NCOA1: variants seen among roughly 807,000 people sequenced by gnomAD.
NCOA1 encodes the protein Hin-2 protein.
A neutral mutation model predicts 150.9 loss-of-function variants in NCOA1; 35 were observed. The ratio of observed to expected loss-of-function variants is 0.23; its 90% CI spans 0.18 to 0.31. NCOA1 has a LOEUF of 0.31. Among genes scored for constraint, NCOA1 ranks in the 10% least tolerant of loss-of-function variants. The probability of loss-of-function intolerance (pLI) is 1.00; values close to 1 mark genes in which losing one functional copy is unlikely to be tolerated. For missense variants in NCOA1, 1,491 were observed against 1,749.3 expected (o/e 0.85, Z 2.63); for synonymous variants, 590 against 630.0 (o/e 0.94, Z 0.95).
At chr2:24,703,233 G>A (rs1166098119) in intron 11 of NCOA1, among the ~76,000 whole-genome samples, 65 of 152,140 alleles carry the variant, frequency 4.3e-4, no homozygotes, top group Non-Finnish European at 1.5e-5. Flanking sequence ...GCCTGAATCT[G>A]ACTCCTAGGC....
At chr2:24,708,036 T>A (rs1673544848) in intron 13 of NCOA1, 148 bp downstream of exon 13, 1 of 1,013,128 alleles carries the variant, frequency 9.9e-7, no homozygotes, top group African/African-American at 1.7e-5. Flanking sequence ...CAATAACTGA[T>A]CACAGGATGC....
chr2:24,534,701 T>C (rs748764728), intron 1 of NCOA1, among the ~76,000 whole-genome samples: 5 of 152,216 alleles, frequency 3.3e-5, no homozygotes, highest in Non-Finnish European at 5.9e-5. Flanking sequence ...TTCATTTCGT[T>C]ATTTACCCAG....
At chr2:24,511,152 T>A (rs1430126954) in intron 1 of NCOA1, among the ~76,000 whole-genome samples, 1 of 152,238 alleles carries the variant, frequency 6.6e-6, no homozygotes, top group Non-Finnish European at 1.5e-5. Context: ...TTGAGGTTCA[T>A]CCATGTTGTA....
intron 3 of NCOA1, among the ~76,000 whole-genome samples, chr2:24,589,915 T>TG (rs1667581872): frequency 6.6e-6 from 1 of 152,298 alleles, no homozygotes; most frequent in South Asian, 2.1e-4. Context: ...ATCAGGAGTT[T>TG]GGGGCTATAA....
intron 1 of NCOA1, among the ~76,000 whole-genome samples, chr2:24,493,172 T>C (rs1663054614): frequency 6.6e-6 from 1 of 152,218 alleles, no homozygotes; most frequent in South Asian, 2.1e-4. Flanking sequence ...AAATAGGCAT[T>C]CCTTGAACTA....
chr2:24,538,903 G>A (rs1012071884), intron 1 of NCOA1, among the ~76,000 whole-genome samples: 7 of 152,200 alleles, frequency 4.6e-5, no homozygotes, highest in South Asian at 2.1e-4. Flanking sequence ...ACATGACAGC[G>A]TAGTGATACA....
chr2:24,640,205 G>A, intron 3 of NCOA1, among the ~76,000 whole-genome samples: 1 of 151,738 alleles, frequency 6.6e-6, no homozygotes, highest in East Asian at 1.9e-4. Context: ...TCAATCTTTA[G>A]AAACGTGTTA....
chr2:24,691,455 G>A, intron 8 of NCOA1, 26 bp from the exon 9 acceptor site: 1 of 1,606,658 alleles, frequency 6.2e-7, no homozygotes, highest in Non-Finnish European at 8.5e-7. Context: ...ATATTCGCAA[G>A]CACATAATCA....
At chr2:24,641,377 G>C (rs1365805501) in intron 3 of NCOA1, among the ~76,000 whole-genome samples, 1 of 151,468 alleles carries the variant, frequency 6.6e-6, no homozygotes, top group Admixed American at 6.6e-5. Context: ...AGAATAAAAA[G>C]AATAAATACA....
chr2:24,596,394 G>A (rs1419955525), intron 3 of NCOA1, among the ~76,000 whole-genome samples: 1 of 152,108 alleles, frequency 6.6e-6, no homozygotes, highest in Admixed American at 6.6e-5. Flanking sequence ...AATACTGACA[G>A]CAGTTCTTAC....
chr2:24,575,975 A>G (rs1474544738), intron 2 of NCOA1, among the ~76,000 whole-genome samples: 2 of 152,006 alleles, frequency 1.3e-5, no homozygotes, highest in Admixed American at 1.3e-4. Flanking sequence ...AGGCTTTGTT[A>G]GGGTGAGTCT....
intron 6 of NCOA1, among the ~76,000 whole-genome samples, chr2:24,668,723 C>T (rs1671544143): frequency 6.6e-6 from 1 of 151,818 alleles, no homozygotes; most frequent in Non-Finnish European, 1.5e-5. Context: ...CCCAGGATTA[C>T]AGTTGTGCAG....
intron 2 of NCOA1, among the ~76,000 whole-genome samples, chr2:24,580,549 C>T (rs907471771): frequency 6.6e-6 from 1 of 152,168 alleles, no homozygotes; most frequent in African/African-American, 2.4e-5. Flanking sequence ...TCTACTGTTG[C>T]ATCCATCCAT....
At chr2:24,658,006 A>C (rs1671020394) in intron 4 of NCOA1, among the ~76,000 whole-genome samples, 1 of 152,206 alleles carries the variant, frequency 6.6e-6, no homozygotes, top group Non-Finnish European at 1.5e-5. Flanking sequence ...AACATGTGAG[A>C]GACCTGGCTG....
chr2:24,767,923 C>A, intron 22 of NCOA1: 1 of 627,886 alleles, frequency 1.6e-6, no homozygotes, highest in Non-Finnish European at 2.7e-6. Flanking sequence ...TGAAACTGGG[C>A]TTCTCCCAAT....
intron 11 of NCOA1, among the ~76,000 whole-genome samples, chr2:24,701,066 A>G (rs889271583): frequency 2.0e-5 from 3 of 152,200 alleles, no homozygotes; most frequent in Admixed American, 1.3e-4. Flanking sequence ...GAGCACATCT[A>G]TCAGCAGTTA....
chr2:24,601,213 TG>T (rs1425484407), intron 3 of NCOA1, among the ~76,000 whole-genome samples: 1 of 146,442 alleles, frequency 6.8e-6, no homozygotes, highest in East Asian at 2.0e-4. Context: ...TAACATCTTC[TG>T]TTTTTTTTGT....
At chr2:24,584,005 G>T (rs1667301126) in intron 2 of NCOA1, among the ~76,000 whole-genome samples, 1 of 152,060 alleles carries the variant, frequency 6.6e-6, no homozygotes, top group South Asian at 2.1e-4. Context: ...TCATTAACAA[G>T]AATTTAGTTT....
intron 3 of NCOA1, among the ~76,000 whole-genome samples, chr2:24,590,466 G>A (rs536113241): frequency 3.7e-4 from 56 of 152,156 alleles, no homozygotes; most frequent in Middle Eastern, 3.4e-3. Flanking sequence ...TCTCAAATAG[G>A]AAAATAGTGT....
Sources: gnomAD v4.1 joint callset for allele counts (sites outside exome capture counted in the v4.1 genomes callset) on GRCh38, gnomAD v4.1.1 for gene constraint, MANE v1.5 for transcripts, NCBI Gene and HGNC (gene_info 2026-07-23, HGNC 2026-07-21) for gene names.